Variants in SULF1 observed in about 807,000 individuals in gnomAD.
SULF1 encodes extracellular sulfatase Sulf-1.
A neutral mutation model predicts 110.5 loss-of-function variants in SULF1; 46 were observed. The ratio of observed to expected loss-of-function variants is 0.42; its 90% CI spans 0.33 to 0.53. The LOEUF is 0.53. Among genes scored for constraint, SULF1 ranks in the 20% least tolerant of loss-of-function variants. The probability of loss-of-function intolerance (pLI) is 0.12; values close to 1 mark genes in which losing one functional copy is unlikely to be tolerated. For synonymous variants in SULF1, 371 were observed against 387.1 expected, an observed-to-expected ratio of 0.96 and a Z score of 0.49; for missense variants, 941 against 1,094.2, an observed-to-expected ratio of 0.86 and a Z score of 1.98.
upstream of SULF1, among the ~76,000 whole-genome samples, chr8:69,492,436 G>A (rs763006031): frequency 2.6e-5 from 4 of 152,138 alleles, no homozygotes; most frequent in Non-Finnish European, 5.9e-5. Context: ...CACCTGGTCT[G>A]AGTCTAAGAA....
intron 3 of SULF1, among the ~76,000 whole-genome samples, chr8:69,552,484 AT>A (rs1249777032): frequency 6.6e-6 from 1 of 152,234 alleles, no homozygotes; most frequent in Non-Finnish European, 1.5e-5. Flanking sequence ...ATTTTGGAAG[AT>A]TTCTGATTTG....
Position 69,633,891 on chromosome 8 carries a change from G to T in SULF1, c.2284+4212G>T, listed in dbSNP as rs77054163. Reference sequence around the variant, plus strand: ...ATCAATTATTCTTGCAAATACAAAGGTATTGTATTTGTATATTTCATGAAA... The same window carrying T: ...ATCAATTATTCTTGCAAATACAAAGTTATTGTATTTGTATATTTCATGAAA... On this transcript the variant is annotated intron_variant, in intron 19 of 22. Coordinates refer to ENST00000402687, the MANE Select transcript of SULF1 (RefSeq NM_001128205.2). Among the ~76,000 whole-genome samples the T allele has an allele frequency of 1.5e-3, 226 of 151,990 alleles. 1 individual carries two copies. In the East Asian group the frequency reaches 0.031, roughly 21 times the overall value.
At chr8:69,521,662 T>G (rs1275563812) in intron 3 of SULF1, among the ~76,000 whole-genome samples, 1 of 152,032 alleles carries the variant, frequency 6.6e-6, no homozygotes, top group Non-Finnish European at 1.5e-5. Context: ...GTCAGGCAAG[T>G]CACAATAGGC....
At chr8:69,511,475 A>G (rs2150590380) in intron 3 of SULF1, among the ~76,000 whole-genome samples, 1 of 152,356 alleles carries the variant, frequency 6.6e-6, no homozygotes, top group East Asian at 1.9e-4. Context: ...CATCTCCCCT[A>G]GTACAACATC....
rs369671586 is a variant in SULF1 at position 69,527,923 on chromosome 8, AAG to A, written c.-134+25958_-134+25959del. On this transcript the variant is annotated intron_variant, in intron 3 of 22. Transcript: ENST00000402687. ...GGAAATGAGAAGGAGGGAATCTGTG[AAG>A]AGTTTGACTAAAAATTGTCCTCTTC... is the stretch of plus-strand genomic sequence containing the variant. 2.2e-3 allele frequency among the ~76,000 whole-genome samples: 332 copies of A among 152,312 alleles called. 1 individual carries two copies. Among genetic ancestry groups the A allele is most frequent in the African/African-American group, 6.9e-3 (287 of 41,562 alleles).
At chr8:69,521,627 A>G (rs1812305053) in intron 3 of SULF1, among the ~76,000 whole-genome samples, 1 of 152,160 alleles carries the variant, frequency 6.6e-6, no homozygotes, top group Non-Finnish European at 1.5e-5. Context: ...TGGAATGAGC[A>G]AATGGGAGAG....
intron 9 of SULF1, 136 bp downstream of exon 9, chr8:69,600,889 A>G: frequency 9.7e-7 from 1 of 1,029,406 alleles, no homozygotes; most frequent in Non-Finnish European, 1.4e-6. Flanking sequence ...GAGAGAGAGT[A>G]TGTGTTTAGT....
At chr8:69,498,993 G>C (rs2150568031) in intron 2 of SULF1, among the ~76,000 whole-genome samples, 1 of 152,266 alleles carries the variant, frequency 6.6e-6, no homozygotes, top group South Asian at 2.1e-4. Flanking sequence ...CTAGGAGCTG[G>C]GATCACAGGC....
At chr8:69,540,698 T>C (rs113836330) in intron 3 of SULF1, among the ~76,000 whole-genome samples, 218 of 152,278 alleles carry the variant, frequency 1.4e-3, no homozygotes, top group African/African-American at 4.9e-3. Flanking sequence ...GGAGTGGATG[T>C]TCTTGCTGTA....
chr8:69,485,239 G>A (rs775063203), intron 1 of SULF1, among the ~76,000 whole-genome samples: 12 of 152,110 alleles, frequency 7.9e-5, no homozygotes, highest in Non-Finnish European at 1.6e-4. Flanking sequence ...CATATTGAGA[G>A]GACCACATTT....
chr8:69,646,922 A>G (rs193020362), intron 22 of SULF1, among the ~76,000 whole-genome samples: 8 of 150,180 alleles, frequency 5.3e-5, no homozygotes, highest in Middle Eastern at 3.4e-3. Context: ...GACAAATTGT[A>G]TCAAAGAGCC....
chr8:69,500,706 C>T (rs1049563912), intron 2 of SULF1, among the ~76,000 whole-genome samples: 1 of 152,142 alleles, frequency 6.6e-6, no homozygotes, highest in African/African-American at 2.4e-5. Flanking sequence ...TAGAACTCCC[C>T]AACCCCCAGG....
chr8:69,609,189 C>T (rs1563582260), intron 13 of SULF1, among the ~76,000 whole-genome samples: 2 of 151,796 alleles, frequency 1.3e-5, no homozygotes, highest in Admixed American at 6.6e-5. Flanking sequence ...TCTCCACGCA[C>T]AAACAAAATA....
intron 8 of SULF1, among the ~76,000 whole-genome samples, chr8:69,590,658 T>C (rs933104792): frequency 6.6e-6 from 1 of 152,122 alleles, no homozygotes; most frequent in African/African-American, 2.4e-5. Flanking sequence ...ACTCAGAGGA[T>C]GGAAGTGTTT....
At chr8:69,611,727 C>T (rs1407608182) in intron 13 of SULF1, among the ~76,000 whole-genome samples, 1 of 152,114 alleles carries the variant, frequency 6.6e-6, no homozygotes, top group Admixed American at 6.6e-5. Context: ...CATGATTTGA[C>T]CTGCATTATG....
intron 16 of SULF1, 131 bp from the exon 17 acceptor site, chr8:69,627,641 G>A (rs898978002): frequency 1.4e-6 from 1 of 702,090 alleles, no homozygotes; most frequent in Non-Finnish European, 2.5e-6. Context: ...TGCCCAGTTT[G>A]TTTCTATGTT....
At chr8:69,560,804 T>A (rs2150713777) in intron 3 of SULF1, among the ~76,000 whole-genome samples, 1 of 152,336 alleles carries the variant, frequency 6.6e-6, no homozygotes, top group African/African-American at 2.4e-5. Flanking sequence ...CATTTTTGAA[T>A]AAAGAATTGT....
chr8:69,474,349 T>C (rs1376042673), intron 1 of SULF1, among the ~76,000 whole-genome samples: 2 of 152,216 alleles, frequency 1.3e-5, no homozygotes, highest in South Asian at 2.1e-4. Flanking sequence ...CTTTCTGTCA[T>C]ATAACATGTG....
chr8:69,520,684 T>C (rs150369564), intron 3 of SULF1, among the ~76,000 whole-genome samples: 30 of 152,310 alleles, frequency 2.0e-4, no homozygotes, highest in African/African-American at 6.5e-4. Context: ...CATTTGCCAG[T>C]TAAGAATTTA....
Sources: allele counts gnomAD v4.1 joint callset (sites outside exome capture counted in the v4.1 genomes callset), GRCh38; gene constraint gnomAD v4.1.1; transcripts MANE v1.5; gene names NCBI Gene and HGNC (gene_info 2026-07-23, HGNC 2026-07-21).